The following ZEB2 variants were observed in gnomAD, a reference collection of about 807,000 sequenced individuals.
The protein encoded by ZEB2 is zinc finger E-box binding homeobox 2, also known as zinc finger E-box-binding homeobox 2.
A neutral mutation model predicts 99.9 loss-of-function variants in ZEB2; 6 were observed. That is an observed-to-expected ratio of 0.06 (90% CI 0.03 to 0.12). ZEB2 has a LOEUF of 0.12. ZEB2 is among the 10% of genes least tolerant of loss of function. The pLI, the probability that ZEB2 is intolerant of heterozygous loss-of-function variation, is 1.00. For missense variants in ZEB2, 969 were observed against 1,502.8 expected, an observed-to-expected ratio of 0.64 and a Z score of 5.87; for synonymous variants, 517 against 542.5, an observed-to-expected ratio of 0.95 and a Z score of 0.65.
intron 2 of ZEB2, among the ~76,000 whole-genome samples, chr2:144,436,172 GATGA>G (rs1244487994): frequency 2.0e-5 from 3 of 152,128 alleles, no homozygotes; most frequent in African/African-American, 7.2e-5. Context: ...GGGGATGCAA[GATGA>G]ATGAATTAAT....
At chr2:144,499,717 C>T (rs1704841920) in intron 2 of ZEB2, among the ~76,000 whole-genome samples, 1 of 152,058 alleles carries the variant, frequency 6.6e-6, no homozygotes, top group African/African-American at 2.4e-5. Flanking sequence ...GTTTGTACCA[C>T]CTACACCATG....
chr2:144,509,656 T>G (rs888808589), intron 2 of ZEB2, among the ~76,000 whole-genome samples: 4 of 152,056 alleles, frequency 2.6e-5, no homozygotes, highest in African/African-American at 9.7e-5. Context: ...GCGCATTGTA[T>G]CCTTAATCTA....
chr2:144,490,484 T>G (rs1265212041), intron 2 of ZEB2, among the ~76,000 whole-genome samples: 1 of 152,166 alleles, frequency 6.6e-6, no homozygotes, highest in Middle Eastern at 3.2e-3. Flanking sequence ...TGATAAAATG[T>G]GGTATTTTTG....
chr2:144,403,723 G>A (rs1427414026), intron 6 of ZEB2, among the ~76,000 whole-genome samples, 193 bp downstream of exon 6: 1 of 152,072 alleles, frequency 6.6e-6, no homozygotes, highest in Non-Finnish European at 1.5e-5. Context: ...TCATTCGATC[G>A]TGAACATAAG....
chr2:144,513,260 A>G, intron 2 of ZEB2: 1 of 1,288,512 alleles, frequency 7.8e-7, no homozygotes, highest in Non-Finnish European at 1.0e-6. Flanking sequence ...GCTTATTTTA[A>G]ACAGGGATAA....
intron 2 of ZEB2, chr2:144,504,390 C>T (rs1013130523): frequency 2.0e-5 from 3 of 152,432 alleles, no homozygotes; most frequent in Non-Finnish European, 4.4e-5. Context: ...TTCCCGCACA[C>T]TAAAGTTGAA....
intron 2 of ZEB2, chr2:144,511,859 G>A: frequency 7.8e-7 from 1 of 1,287,170 alleles, no homozygotes. Context: ...CCTCTGCTCT[G>A]AATTATTTTT....
chr2:144,446,789 C>T (rs954633835), intron 2 of ZEB2, among the ~76,000 whole-genome samples: 4 of 151,780 alleles, frequency 2.6e-5, no homozygotes, highest in Non-Finnish European at 4.4e-5. Context: ...CTGAGGCAGG[C>T]GGATTACCTG....
chr2:144,421,601 C>T (rs990266128), intron 4 of ZEB2, among the ~76,000 whole-genome samples: 6 of 151,156 alleles, frequency 4.0e-5, no homozygotes, highest in African/African-American at 4.9e-5. Context: ...CTCACCTTTA[C>T]GAAATTCTCT....
At chr2:144,396,275 C>T (rs1254998742) in intron 9 of ZEB2, 137 bp downstream of exon 9, 33 of 1,169,500 alleles carry the variant, frequency 2.8e-5, no homozygotes, top group Non-Finnish European at 3.6e-5. Flanking sequence ...CTACTGAGCT[C>T]GGCAAAAGCA....
rs556825383 is a variant in ZEB2, at chr2:144,517,059, G to A, written c.73+219C>T. 4.5e-3 allele frequency among the ~76,000 whole-genome samples: 676 copies of A among 149,180 alleles called. 2 individuals carry two copies. The highest frequency in any genetic ancestry group is 9.8e-3 in the African/African-American group (401 of 41,044). On this transcript the variant is annotated intron_variant, in intron 2 of 9. Transcript: ENST00000627532. ...GCCGGACCCCCGCGCTCGGACCCCC[G>A]GGTGCCTGACGCTCACTTTGCCCGG...
At chr2:144,392,869 G>A (rs889580160) in intron 9 of ZEB2, among the ~76,000 whole-genome samples, 3 of 152,124 alleles carry the variant, frequency 2.0e-5, no homozygotes, top group African/African-American at 7.2e-5. Context: ...TCACCTGACA[G>A]CTAGAATGGT....
At chr2:144,449,059 C>G (rs971743093) in intron 2 of ZEB2, among the ~76,000 whole-genome samples, 2 of 152,222 alleles carry the variant, frequency 1.3e-5, no homozygotes, top group African/African-American at 2.4e-5. Context: ...AGACGTGAAG[C>G]AGCCTCAGAA....
intron 2 of ZEB2, among the ~76,000 whole-genome samples, chr2:144,514,920 T>A (rs1263264145): frequency 6.6e-6 from 1 of 152,224 alleles, no homozygotes; most frequent in Non-Finnish European, 1.5e-5. Flanking sequence ...GCAGTGTCCA[T>A]GACTGCGGAC....
At position 144,385,167 on chromosome 2, in the gene ZEB2, T is replaced by C. The variant is rs1703064999; in HGVS notation, c.*4284A>G. 6.6e-6 allele frequency: 1 copy of C among 151,554 alleles called. No homozygotes were observed. Among genetic ancestry groups the C allele is most frequent in the Non-Finnish European group, 1.5e-5 (1 of 68,010 alleles). 9.4% of individuals were successfully genotyped at this position (151,554 alleles called of 1,614,324 possible). ...GCGATAATAATTGGACCAGTGTCCCTTGATGTAAGGTGTCTAGAAAGAACT... is the reference window on the plus strand; with the variant it reads ...GCGATAATAATTGGACCAGTGTCCCCTGATGTAAGGTGTCTAGAAAGAACT... On this transcript the variant is annotated 3_prime_UTR_variant, in exon 10 of 10. Transcript: ENST00000627532.
At chr2:144,475,193 T>C (rs1704413863) in intron 2 of ZEB2, among the ~76,000 whole-genome samples, 1 of 152,138 alleles carries the variant, frequency 6.6e-6, no homozygotes, top group Non-Finnish European at 1.5e-5. Flanking sequence ...CAGCATGAAG[T>C]TTTAGTTTAT....
chr2:144,464,885 C>A (rs926177150), intron 2 of ZEB2, among the ~76,000 whole-genome samples: 3 of 152,150 alleles, frequency 2.0e-5, no homozygotes, highest in African/African-American at 7.2e-5. Context: ...ATAAAACAAG[C>A]CTTAATGAGG....
intron 2 of ZEB2, among the ~76,000 whole-genome samples, chr2:144,502,995 T>C (rs1343090149): frequency 6.6e-6 from 1 of 152,172 alleles, no homozygotes; most frequent in Non-Finnish European, 1.5e-5. Flanking sequence ...AAGGTAACTC[T>C]TCCTTAGGAA....
At chr2:144,512,104 C>G in intron 2 of ZEB2, 1 of 1,287,186 alleles carries the variant, frequency 7.8e-7, no homozygotes, top group Non-Finnish European at 1.0e-6. Context: ...GTGGACACCC[C>G]AGCACCATTG....
Sources: gnomAD v4.1 joint callset for allele counts (sites outside exome capture counted in the v4.1 genomes callset) on GRCh38, gnomAD v4.1.1 for gene constraint, MANE v1.5 for transcripts, NCBI Gene and HGNC (gene_info 2026-07-23, HGNC 2026-07-21) for gene names.